The following RYR2 variants were observed in gnomAD, a reference collection of about 807,000 sequenced individuals.
The protein encoded by RYR2 is cardiac muscle ryanodine receptor-calcium release channel.
In RYR2, 227 loss-of-function variants were observed where a neutral mutation model predicts 601.1. That is an observed-to-expected ratio of 0.38 (90% CI 0.34 to 0.42). The LOEUF is 0.42. RYR2 is among the 10% of genes least tolerant of loss of function. The probability of loss-of-function intolerance (pLI) is 1.00; values close to 1 mark genes in which losing one functional copy is unlikely to be tolerated. For synonymous variants in RYR2, 2,223 were observed against 2,175.1 expected (o/e 1.02, Z -0.61); for missense variants, 4,646 against 6,156.5 (o/e 0.75, Z 8.21).
At chr1:237,531,419 C>T (rs193131339) in intron 25 of RYR2, among the ~76,000 whole-genome samples, 1 of 152,140 alleles carries the variant, frequency 6.6e-6, no homozygotes, top group African/African-American at 2.4e-5. Flanking sequence ...TTTCATATTA[C>T]TTTCTTATTT....
intron 10 of RYR2, among the ~76,000 whole-genome samples, chr1:237,399,316 C>T (rs1188963115): frequency 6.6e-6 from 1 of 152,120 alleles, no homozygotes; most frequent in Non-Finnish European, 1.5e-5. Context: ...ATTTTCATAA[C>T]ATTTTTAAAT....
chr1:237,600,888 A>G (rs886325329), intron 34 of RYR2, among the ~76,000 whole-genome samples: 10 of 152,200 alleles, frequency 6.6e-5, no homozygotes, highest in African/African-American at 2.4e-4. Context: ...CAAAACCACA[A>G]TATTACCTTA....
At chr1:237,810,891 A>G in intron 100 of RYR2, among the ~76,000 whole-genome samples, 1 of 152,302 alleles carries the variant, frequency 6.6e-6, no homozygotes, top group East Asian at 1.9e-4. Flanking sequence ...GTGAAATTAT[A>G]TATACACAAT....
chr1:237,719,756 G>A (rs1689559113), intron 73 of RYR2, among the ~76,000 whole-genome samples: 1 of 151,252 alleles, frequency 6.6e-6, no homozygotes, highest in African/African-American at 2.4e-5. Context: ...CTCCCACCAG[G>A]TCCCGTCTCC....
At chr1:237,506,943 AT>A in intron 23 of RYR2, 129 bp downstream of exon 23, 1 of 793,994 alleles carries the variant, frequency 1.3e-6, no homozygotes, top group Non-Finnish European at 2.1e-6. Flanking sequence ...CCCCCTACAC[AT>A]TAGTTTTTGT....
chr1:237,564,950 T>C (rs75806263), intron 27 of RYR2, among the ~76,000 whole-genome samples: 3,778 of 152,330 alleles, frequency 0.025, 152 homozygotes, highest in African/African-American at 0.084. Flanking sequence ...GTATGTTTAT[T>C]GGCAACCTTT....
intron 1 of RYR2, among the ~76,000 whole-genome samples, chr1:237,222,210 C>A (rs967699850): frequency 6.6e-6 from 1 of 151,886 alleles, no homozygotes; most frequent in Non-Finnish European, 1.5e-5. Context: ...GTCAGGAGAT[C>A]GAGACCATAC....
At chr1:237,344,161 G>A (rs1172493365) in intron 3 of RYR2, among the ~76,000 whole-genome samples, 1 of 152,198 alleles carries the variant, frequency 6.6e-6, no homozygotes, top group East Asian at 1.9e-4. Flanking sequence ...AACTATTCAA[G>A]CATTGGTTAG....
chr1:237,712,708 C>T (rs1387969580), intron 71 of RYR2, among the ~76,000 whole-genome samples: 2 of 152,280 alleles, frequency 1.3e-5, no homozygotes, highest in South Asian at 2.1e-4. Context: ...GCCACATGGA[C>T]GAATTCCAGG....
intron 60 of RYR2, among the ~76,000 whole-genome samples, chr1:237,675,383 T>C (rs1387953170): frequency 6.6e-6 from 1 of 152,114 alleles, no homozygotes; most frequent in Admixed American, 6.5e-5. Context: ...ATTCTTTAAG[T>C]CTTAGATTCA....
At chr1:237,583,873 A>AG (rs2148390517) in intron 29 of RYR2, among the ~76,000 whole-genome samples, 1 of 152,284 alleles carries the variant, frequency 6.6e-6, no homozygotes, top group African/African-American at 2.4e-5. Context: ...TGGAGCAGGG[A>AG]GGCTCATCAG....
chr1:237,143,781 G>A (rs902155213), intron 1 of RYR2, among the ~76,000 whole-genome samples: 2 of 152,136 alleles, frequency 1.3e-5, no homozygotes, highest in African/African-American at 2.4e-5. Context: ...TCTGACCAGT[G>A]TTGGGGAAAA....
intron 56 of RYR2, among the ~76,000 whole-genome samples, chr1:237,666,001 C>A (rs1684296369): frequency 6.6e-6 from 1 of 152,046 alleles, no homozygotes; most frequent in African/African-American, 2.4e-5. Context: ...TTTTTAAAAG[C>A]TTTAATTCAG....
chr1:237,067,478 G>A (rs776210282), intron 1 of RYR2, among the ~76,000 whole-genome samples: 11 of 152,166 alleles, frequency 7.2e-5, no homozygotes, highest in African/African-American at 9.6e-5. Context: ...TCTGTATTCC[G>A]CTTCATTCGT....
intron 1 of RYR2, among the ~76,000 whole-genome samples, chr1:237,139,724 A>G (rs1272776663): frequency 2.6e-5 from 4 of 152,196 alleles, no homozygotes; most frequent in African/African-American, 7.2e-5. Flanking sequence ...CTACTGCCTA[A>G]TGACTGTCTT....
intron 12 of RYR2, among the ~76,000 whole-genome samples, chr1:237,424,015 G>A (rs554606265): frequency 3.9e-5 from 6 of 152,038 alleles, no homozygotes; most frequent in African/African-American, 7.2e-5. Context: ...AGGAGAAAGC[G>A]TCAAACACTT....
Position 237,280,956 on chromosome 1 carries a change from T to G in RYR2, c.168+10340T>G, listed in dbSNP as rs187945765. ...CGCACCACCACACCTGGCTAATTTT[T>G]GTATTTTTAGTAGAAATGGGGTTTC... On this transcript the variant is annotated intron_variant, in intron 2 of 104. Coordinates refer to ENST00000366574, the MANE Select transcript of RYR2 (RefSeq NM_001035.3). Among the ~76,000 whole-genome samples, 615 of 152,208 alleles carry G rather than the reference T, an allele frequency of 4.0e-3. 4 individuals are homozygous for G. The highest frequency in any genetic ancestry group is 5.9e-3 in the Non-Finnish European group (398 of 68,008).
intron 6 of RYR2, among the ~76,000 whole-genome samples, chr1:237,373,012 G>T (rs6678397): frequency 0.073 from 11,127 of 152,098 alleles, 430 homozygotes; most frequent in Middle Eastern, 0.099. Context: ...ATAGTTATAG[G>T]TACAGTGCCT....
rs1662279970 is a variant in RYR2 at position 237,820,060 on chromosome 1, AC to A, written c.14590+870del. 2.0e-5 allele frequency among the ~76,000 whole-genome samples: 3 copies of A among 151,632 alleles called. 1 individual carries two copies. The South Asian group carries it at 6.3e-4, about 32-fold the overall frequency. On this transcript the variant is annotated intron_variant, in intron 101 of 104. Transcript: ENST00000366574. ...AAATTAGCCTGGTGTGGTGGTGTGA[AC>A]CTATAATCCCAGCTACTCAGGAGAC...
Sources: allele counts gnomAD v4.1 joint callset (sites outside exome capture counted in the v4.1 genomes callset), GRCh38; gene constraint gnomAD v4.1.1; transcripts MANE v1.5; gene names NCBI Gene and HGNC (gene_info 2026-07-23, HGNC 2026-07-21).